LRP1B: variants seen among roughly 807,000 people sequenced by gnomAD.
The protein encoded by LRP1B is LDL receptor related protein 1B, also known as low-density lipoprotein receptor-related protein 1B.
Under a neutral mutation model 556.6 loss-of-function variants are expected in LRP1B, and 217 were observed. That is an observed-to-expected ratio of 0.39 (90% confidence interval 0.35 to 0.44). The LOEUF is 0.44. Among genes scored for constraint, LRP1B ranks in the 20% least tolerant of loss-of-function variants. The pLI is 1.00. For missense variants in LRP1B, 5,053 were observed against 5,620.8 expected (o/e 0.90, Z 3.23); for synonymous variants, 2,047 against 1,865.8 (o/e 1.10, Z -2.50).
rs1371481514 is a variant in LRP1B at position 141,028,491 on chromosome 2, A to G, written c.1790-8389T>C. Among the ~76,000 whole-genome samples, 7 of 152,020 alleles carry G rather than the reference A, an allele frequency of 4.6e-5. No homozygotes were observed. The South Asian group carries it at 1.2e-3, about 27-fold the overall frequency. On this transcript the variant is annotated intron_variant, in intron 11 of 90. Coordinates refer to ENST00000389484, the MANE Select transcript of LRP1B (RefSeq NM_018557.3). ...ATCTAAAATTTTTTATTAAAACGTT[A>G]CAGAAGTTTAAATAAATCAATAAAA...
At chr2:140,420,895 A>AT (rs988934961) in intron 66 of LRP1B, among the ~76,000 whole-genome samples, 18 of 152,218 alleles carry the variant, frequency 1.2e-4, no homozygotes, top group African/African-American at 4.3e-4. Context: ...CGTTATCTTG[A>AT]TTGTGTAGAG....
At chr2:141,776,058 G>A (rs1695060105) in intron 2 of LRP1B, among the ~76,000 whole-genome samples, 2 of 151,990 alleles carry the variant, frequency 1.3e-5, no homozygotes, top group Non-Finnish European at 2.9e-5. Flanking sequence ...ATGTTAGCCA[G>A]GATGGTCTCG....
At chr2:140,883,307 G>C (rs1693531910) in intron 25 of LRP1B, among the ~76,000 whole-genome samples, 1 of 152,036 alleles carries the variant, frequency 6.6e-6, no homozygotes, top group Non-Finnish European at 1.5e-5. Context: ...CCTCCTAACA[G>C]TCAATATCTC....
At chr2:142,109,002 A>G (rs1234993979) in intron 1 of LRP1B, among the ~76,000 whole-genome samples, 2 of 152,182 alleles carry the variant, frequency 1.3e-5, no homozygotes, top group African/African-American at 2.4e-5. Flanking sequence ...AAGACAACTG[A>G]GTATTTCAAG....
At chr2:141,459,348 G>A (rs1161670765) in intron 3 of LRP1B, among the ~76,000 whole-genome samples, 2 of 152,130 alleles carry the variant, frequency 1.3e-5, no homozygotes, top group African/African-American at 4.8e-5. Context: ...TACAGGGCTT[G>A]TGTCATGTGT....
intron 1 of LRP1B, among the ~76,000 whole-genome samples, chr2:141,870,592 T>C (rs1698551541): frequency 6.6e-6 from 1 of 152,004 alleles, no homozygotes; most frequent in Admixed American, 6.6e-5. Context: ...ATAGAGACTA[T>C]ATTACAAATT....
At chr2:141,018,623 CTT>C (rs1203783870) in intron 12 of LRP1B, among the ~76,000 whole-genome samples, 2 of 152,040 alleles carry the variant, frequency 1.3e-5, no homozygotes, top group Non-Finnish European at 2.9e-5. Flanking sequence ...AACAAAGACT[CTT>C]TAGCTCTATC....
At chr2:140,893,925 T>C (rs1693873199) in intron 23 of LRP1B, among the ~76,000 whole-genome samples, 1 of 152,204 alleles carries the variant, frequency 6.6e-6, no homozygotes, top group Non-Finnish European at 1.5e-5. Context: ...CAGTGGATGA[T>C]GATGAAACAT....
At chr2:141,822,407 A>G (rs1178215714) in intron 1 of LRP1B, among the ~76,000 whole-genome samples, 3 of 152,198 alleles carry the variant, frequency 2.0e-5, no homozygotes, top group Non-Finnish European at 4.4e-5. Context: ...GGAAGGAGAA[A>G]AGTTTGACAT....
intron 50 of LRP1B, among the ~76,000 whole-genome samples, chr2:140,515,177 G>T (rs1000535367): frequency 2.0e-4 from 30 of 151,990 alleles, no homozygotes; most frequent in South Asian, 2.1e-4. Flanking sequence ...TACGTCCTAA[G>T]TAAGGTAACA....
chr2:141,481,123 A>T (rs1682904763), intron 2 of LRP1B, among the ~76,000 whole-genome samples: 1 of 152,212 alleles, frequency 6.6e-6, no homozygotes. Flanking sequence ...AAAATTTGCT[A>T]AAGAACAGGA....
At chr2:140,537,550 A>G (rs1278650344) in intron 45 of LRP1B, among the ~76,000 whole-genome samples, 1 of 151,796 alleles carries the variant, frequency 6.6e-6, no homozygotes, top group African/African-American at 2.4e-5. Context: ...CCGGGAGCAG[A>G]CTCTTTCTTG....
intron 23 of LRP1B, among the ~76,000 whole-genome samples, chr2:140,902,026 T>A (rs1167483560): frequency 6.6e-6 from 1 of 152,164 alleles, no homozygotes; most frequent in Non-Finnish European, 1.5e-5. Flanking sequence ...TATGAATATA[T>A]CTATTACTTC....
chr2:140,647,229 G>T (rs1230418729), intron 41 of LRP1B, among the ~76,000 whole-genome samples: 1 of 151,994 alleles, frequency 6.6e-6, no homozygotes, highest in Non-Finnish European at 1.5e-5. Flanking sequence ...TCTCAATAAT[G>T]TTTTAAAAAT....
chr2:141,055,119 T>C lies in LRP1B; in HGVS notation c.1549A>G (p.Lys517Glu), dbSNP rs1699142980. 1.2e-6 allele frequency: 2 copies of C among 1,611,954 alleles called. No homozygotes were observed. Among genetic ancestry groups the C allele is most frequent in the Non-Finnish European group, 1.7e-6 (2 of 1,178,842 alleles). The part of the protein sequence containing the change: ...FNLGSDGRSC[K>E]RPKNELFLFY... ...ATGTTTTATTTTAACAACATACTTT[T>C]GCATGACCTGCCATCACTTCCCAAG... Residue 517 changes from lysine (K) to glutamate (E), a missense_variant, in exon 10 of 91, where the codon AAA becomes GAA. This residue lies in a region of LRP1B where 3,619 missense variants were observed against 3,931.9 expected (regional missense o/e 0.92). Coordinates refer to ENST00000389484, the MANE Select transcript of LRP1B (RefSeq NM_018557.3).
Position 140,457,525 on chromosome 2 carries a change from A to T in LRP1B, c.9752T>A (p.Leu3251Gln), listed in dbSNP as rs1454482929. ...HKTSGADRLS[L>Q]IYSWHAITDI... ...TGTGATGGCATGCCATGAGTAAATCAGTGAGAGTCTGTCTGCTCCCGATGT... is the reference window on the plus strand; with the variant it reads ...TGTGATGGCATGCCATGAGTAAATCTGTGAGAGTCTGTCTGCTCCCGATGT... Residue 3251 changes from leucine to glutamine, a missense_variant, in exon 61 of 91, where the codon CTG (leucine) becomes CAG (glutamine). Physicochemically the swap from Leu to Gln is moderately radical, Grantham distance 113. Coordinates refer to ENST00000389484, the MANE Select transcript of LRP1B (RefSeq NM_018557.3). 1.9e-6 allele frequency: 3 copies of T among 1,613,888 alleles called. No individual in the cohort carries two copies. Among genetic ancestry groups the T allele is most frequent in the Non-Finnish European group, 2.5e-6 (3 of 1,179,814 alleles).
At chr2:140,255,842 A>G (rs905639508) in intron 86 of LRP1B, among the ~76,000 whole-genome samples, 5 of 152,210 alleles carry the variant, frequency 3.3e-5, no homozygotes, top group African/African-American at 4.8e-5. Flanking sequence ...ACATTAATCC[A>G]CTATGGGAAA....
At chr2:141,124,445 T>C (rs1417027674) in intron 7 of LRP1B, among the ~76,000 whole-genome samples, 1 of 152,164 alleles carries the variant, frequency 6.6e-6, no homozygotes, top group Non-Finnish European at 1.5e-5. Context: ...TAATTTCGCT[T>C]GCAAAGCAAT....
chr2:140,922,374 A>T (rs1170279341), intron 21 of LRP1B, among the ~76,000 whole-genome samples: 1 of 151,924 alleles, frequency 6.6e-6, no homozygotes, highest in Non-Finnish European at 1.5e-5. Flanking sequence ...TATATAACAC[A>T]ATAACAGCCC....
Sources: allele counts gnomAD v4.1 joint callset (sites outside exome capture counted in the v4.1 genomes callset), GRCh38; gene constraint gnomAD v4.1.1; regional missense constraint gnomAD v4.1.1; transcripts MANE v1.5; gene names NCBI Gene and HGNC (gene_info 2026-07-23, HGNC 2026-07-21).